The following UVRAG variants were observed in gnomAD, a reference collection of about 807,000 sequenced individuals.
UVRAG encodes the protein UV radiation resistance associated.
In UVRAG, 19 loss-of-function variants were observed where a neutral mutation model predicts 78.0. That is an observed-to-expected ratio of 0.24 (90% CI 0.17 to 0.36). The LOEUF (loss-of-function observed/expected upper bound fraction) is 0.36, where lower values mean the gene tolerates loss of function less well. Among genes scored for constraint, UVRAG ranks in the 10% least tolerant of loss-of-function variants. The pLI is 1.00. For missense variants in UVRAG, 740 were observed against 853.8 expected, an observed-to-expected ratio of 0.87 and a Z score of 1.66; for synonymous variants, 323 against 324.6, an observed-to-expected ratio of 1.00 and a Z score of 0.05.
chr11:75,911,814 C>T (rs749250403), intron 5 of UVRAG, 140 bp from the exon 6 acceptor site: 1 of 571,464 alleles, frequency 1.7e-6, no homozygotes, highest in Non-Finnish European at 3.1e-6. Context: ...GGCAGATATA[C>T]TTTACTTTTT....
chr11:75,920,427 A>G (rs1055913166), intron 6 of UVRAG, among the ~76,000 whole-genome samples: 1 of 152,158 alleles, frequency 6.6e-6, no homozygotes, highest in Admixed American at 6.5e-5. Context: ...TATACTATAA[A>G]TATATCTATG....
rs571976878 is a variant in UVRAG, at chr11:76,051,980, C to A, written c.1227-13730C>A. Among the ~76,000 whole-genome samples, 11 of 152,262 alleles carry A rather than the reference C, an allele frequency of 7.2e-5. No homozygotes were observed. The East Asian group carries it at 2.1e-3, about 29-fold the overall frequency. On this transcript the variant is annotated intron_variant, in intron 12 of 14. Coordinates refer to ENST00000356136, the MANE Select transcript of UVRAG (RefSeq NM_003369.4). ...AACTTCAAAGTCGTCCCTTGCCATT[C>A]CTCCTTCAGTCCAGTTCTGTTGGCC...
chr11:76,003,953 A>AT, intron 8 of UVRAG, 52 bp from the exon 9 acceptor site: 1 of 1,548,172 alleles, frequency 6.5e-7, no homozygotes. Context: ...TTTGGTTGTG[A>AT]TTGAGTAATC....
intron 1 of UVRAG, among the ~76,000 whole-genome samples, chr11:75,830,785 C>T (rs1945638712): frequency 6.6e-6 from 1 of 152,156 alleles, no homozygotes; most frequent in Non-Finnish European, 1.5e-5. Context: ...CGAATACTTT[C>T]ATTCTACAAA....
chr11:76,079,711 C>T (rs543433960), intron 13 of UVRAG, among the ~76,000 whole-genome samples: 70 of 152,194 alleles, frequency 4.6e-4, no homozygotes, highest in Non-Finnish European at 9.1e-4. Context: ...CTTACCCTCA[C>T]AATTTTTTCT....
chr11:75,862,679 C>T (rs1236165809), intron 3 of UVRAG, among the ~76,000 whole-genome samples: 1 of 152,206 alleles, frequency 6.6e-6, no homozygotes, highest in Non-Finnish European at 1.5e-5. Flanking sequence ...CCTTCTATGG[C>T]TATCTCATCT....
chr11:76,102,781 G>A (rs903385526), intron 13 of UVRAG, among the ~76,000 whole-genome samples: 1 of 152,122 alleles, frequency 6.6e-6, no homozygotes, highest in Non-Finnish European at 1.5e-5. Flanking sequence ...ATCATGAAGG[G>A]ATGTTGAATT....
chr11:76,092,242 G>C (rs1951713157), intron 13 of UVRAG, among the ~76,000 whole-genome samples: 1 of 152,170 alleles, frequency 6.6e-6, no homozygotes, highest in Non-Finnish European at 1.5e-5. Context: ...TATCATTGAT[G>C]GACATTTGGG....
intron 12 of UVRAG, among the ~76,000 whole-genome samples, chr11:76,045,703 A>AG (rs1157661145): frequency 6.7e-6 from 1 of 148,720 alleles, no homozygotes; most frequent in Non-Finnish European, 1.5e-5. Flanking sequence ...TTTCTCTTAA[A>AG]AAAAAAAAAA....
intron 3 of UVRAG, among the ~76,000 whole-genome samples, chr11:75,874,157 T>C (rs1403599833): frequency 1.3e-5 from 2 of 152,156 alleles, no homozygotes; most frequent in African/African-American, 4.8e-5. Flanking sequence ...GAGGGCAGAG[T>C]TCTTTCTTCC....
intron 12 of UVRAG, among the ~76,000 whole-genome samples, chr11:76,025,767 A>G (rs1950316183): frequency 6.6e-6 from 1 of 152,162 alleles, no homozygotes; most frequent in Non-Finnish European, 1.5e-5. Context: ...CCAAGATCAT[A>G]GTCATTGCAT....
At chr11:76,066,337 A>G (rs557910995) in intron 13 of UVRAG, among the ~76,000 whole-genome samples, 3 of 152,166 alleles carry the variant, frequency 2.0e-5, no homozygotes, top group South Asian at 4.1e-4. Flanking sequence ...TAGTAAGACT[A>G]TCAGATGCCT....
At chr11:76,092,750 A>G (rs533212234) in intron 13 of UVRAG, among the ~76,000 whole-genome samples, 121 of 152,062 alleles carry the variant, frequency 8.0e-4, no homozygotes, top group African/African-American at 2.9e-3. Context: ...TTGTCAGATG[A>G]GTAGATTGCA....
intron 6 of UVRAG, among the ~76,000 whole-genome samples, chr11:75,941,416 G>A (rs1948481316): frequency 6.6e-6 from 1 of 152,008 alleles, no homozygotes; most frequent in Admixed American, 6.6e-5. Context: ...ATTACTACAG[G>A]TTGAGCATCC....
intron 5 of UVRAG, among the ~76,000 whole-genome samples, chr11:75,905,683 C>T (rs1360808519): frequency 1.3e-5 from 2 of 152,176 alleles, no homozygotes; most frequent in African/African-American, 4.8e-5. Context: ...GACACACACA[C>T]ACACATTTTG....
At chr11:76,085,937 C>T (rs143814571) in intron 13 of UVRAG, among the ~76,000 whole-genome samples, 2 of 152,224 alleles carry the variant, frequency 1.3e-5, no homozygotes, top group Admixed American at 1.3e-4. Flanking sequence ...CTGCTGACAC[C>T]CAGTGCCCTC....
chr11:76,020,809 C>T (rs1950232876), intron 12 of UVRAG, among the ~76,000 whole-genome samples: 1 of 152,116 alleles, frequency 6.6e-6, no homozygotes, highest in South Asian at 2.1e-4. Context: ...GCAGTCTTCA[C>T]AGCCTAGACT....
chr11:75,818,450 A>C (rs2135797970), intron 1 of UVRAG, among the ~76,000 whole-genome samples: 1 of 152,044 alleles, frequency 6.6e-6, no homozygotes, highest in African/African-American at 2.4e-5. Flanking sequence ...CATACATTTT[A>C]ATACATCCCG....
intron 13 of UVRAG, among the ~76,000 whole-genome samples, chr11:76,091,632 C>T (rs1399567186): frequency 6.6e-6 from 1 of 151,916 alleles, no homozygotes; most frequent in Non-Finnish European, 1.5e-5. Flanking sequence ...TTGTGTTTTT[C>T]ATTTTGGCTT....
Sources: gnomAD v4.1 joint callset for allele counts (sites outside exome capture counted in the v4.1 genomes callset) on GRCh38, gnomAD v4.1.1 for gene constraint, MANE v1.5 for transcripts, NCBI Gene and HGNC (gene_info 2026-07-23, HGNC 2026-07-21) for gene names.